PTK2: variants seen among roughly 807,000 people sequenced by gnomAD.
The protein encoded by PTK2 is protein tyrosine kinase 2.
Under a neutral mutation model 150.1 loss-of-function variants are expected in PTK2, and 45 were observed. The observed-to-expected ratio is 0.30, with a 90% CI of 0.24 to 0.38. The LOEUF is 0.38. Among genes scored for constraint, PTK2 ranks in the 10% least tolerant of loss-of-function variants. PTK2 has a pLI of 1.00. For synonymous variants in PTK2, 432 were observed against 449.2 expected (o/e 0.96, Z 0.48); for missense variants, 919 against 1,307.3 (o/e 0.70, Z 4.58).
In PTK2 at chr8:140,752,165, CAG is replaced by C. The variant is rs1284094719; in HGVS notation, c.1417+65_1417+66del. 6.9e-6 allele frequency: 9 copies of C among 1,305,958 alleles called. No homozygotes were observed. In the Admixed American group the frequency reaches 1.6e-4, roughly 24 times the overall value. The allele number at this position is 1,305,958 out of a possible 1,614,324, so 80.9% of individuals were successfully genotyped here. The stretch of plus-strand genomic sequence containing the variant: ...CAAAACACTATTTTTCTTATTTCTT[CAG>C]AGACAGTTTGGATTTCACAGATAGA... On this transcript the variant is annotated intron_variant, in intron 17 of 31. Coordinates refer to ENST00000522684, the Ensembl canonical transcript of PTK2.
chr8:140,850,711 C>CA (rs1279827899), intron 5 of PTK2, among the ~76,000 whole-genome samples: 1 of 151,972 alleles, frequency 6.6e-6, no homozygotes, highest in African/African-American at 2.4e-5. Flanking sequence ...GCCTGGGCGA[C>CA]AGAGCGAGAC....
At chr8:140,773,308 G>C (rs192684334) in intron 14 of PTK2, among the ~76,000 whole-genome samples, 1 of 152,196 alleles carries the variant, frequency 6.6e-6, no homozygotes, top group Non-Finnish European at 1.5e-5. Context: ...GCTGGAGTTA[G>C]AACAGTGAAC....
At chr8:140,956,887 C>A (rs1201597331) in intron 1 of PTK2, among the ~76,000 whole-genome samples, 2 of 151,990 alleles carry the variant, frequency 1.3e-5, no homozygotes, top group African/African-American at 2.4e-5. Flanking sequence ...CATGGAGAAA[C>A]CCTGTCTCTA....
rs564176746 is a variant in PTK2, at chr8:140,796,422, C to A, written c.1094-3038G>T. 3.3e-5 allele frequency among the ~76,000 whole-genome samples: 5 copies of A among 152,296 alleles called. No individual in the cohort carries two copies. The East Asian group carries it at 5.8e-4, about 18-fold the overall frequency. On this transcript the variant is annotated intron_variant, in intron 12 of 31. Coordinates refer to ENST00000522684, the Ensembl canonical transcript of PTK2. ...CCATGAACATGACCACCTCCCACCA[C>A]CAGCACCACCACCTTACTCACACCC...
At chr8:140,776,463 C>A (rs7840353) in intron 14 of PTK2, among the ~76,000 whole-genome samples, 4,766 of 152,168 alleles carry the variant, frequency 0.031, 237 homozygotes, top group African/African-American at 0.11. Context: ...CCAGTGTAAA[C>A]CCTAAAGGAA....
chr8:140,887,840 G>C (rs950135037), intron 3 of PTK2, among the ~76,000 whole-genome samples: 15 of 152,000 alleles, frequency 9.9e-5, no homozygotes, highest in Middle Eastern at 3.2e-3. Flanking sequence ...TTTGAAATGT[G>C]GTATATATTT....
intron 22 of PTK2, among the ~76,000 whole-genome samples, chr8:140,727,074 A>G (rs2100046293): frequency 6.6e-6 from 1 of 152,246 alleles, no homozygotes; most frequent in Non-Finnish European, 1.5e-5. Context: ...CACTGAAAAC[A>G]TAATACAAAA....
At chr8:140,803,575 T>G (rs2100096551) in exon 11 of PTK2, 1 of 1,613,894 alleles carries the variant, frequency 6.2e-7, no homozygotes, top group East Asian at 2.2e-5. Context: ...AGTTGTAGCA[T>G]TCCTTTTCTG....
intron 19 of PTK2, 126 bp from the exon 23 acceptor site, chr8:140,743,456 G>T: frequency 1.9e-6 from 1 of 533,808 alleles, no homozygotes; most frequent in South Asian, 3.4e-5. Context: ...CAGATTATAT[G>T]ATATTTATTA....
chr8:140,843,023 T>C (rs769390945), intron 7 of PTK2, among the ~76,000 whole-genome samples: 1 of 152,110 alleles, frequency 6.6e-6, no homozygotes, highest in Non-Finnish European at 1.5e-5. Context: ...TCCATTTCAC[T>C]GACCCCTGAC....
At position 140,717,346 on chromosome 8, in the gene PTK2, A is replaced by G. The variant is rs2100040263; in HGVS notation, c.2142+252T>C. 2.0e-5 allele frequency among the ~76,000 whole-genome samples: 3 copies of G among 152,226 alleles called. No individual in the cohort carries two copies. In the South Asian group the frequency reaches 6.2e-4, roughly 32 times the overall value. On this transcript the variant is annotated intron_variant, in intron 23 of 31. Transcript: ENST00000522684. ...CAAGTTAGGGCAGCATAGGAAAAGC[A>G]TTTTAAGATGACATCTGTCCAACTG...
At chr8:140,660,648 C>A (rs1306584414) in intron 31 of PTK2, 1 of 455,094 alleles carries the variant, frequency 2.2e-6, no homozygotes, top group Middle Eastern at 3.3e-4. Flanking sequence ...ACGGCTTGAG[C>A]CTGGAAGACA....
At chr8:140,760,980 T>G (rs2154547017) in intron 16 of PTK2, among the ~76,000 whole-genome samples, 185 bp downstream of exon 19, 1 of 152,344 alleles carries the variant, frequency 6.6e-6, no homozygotes. Flanking sequence ...TTGTAGGAGC[T>G]AATGTTGCCA....
Position 140,818,355 on chromosome 8 carries a change from C to T in PTK2, c.790-1G>A. On this transcript the variant is annotated splice_acceptor_variant, in intron 9 of 31. Transcript: ENST00000522684. LOFTEE classifies it high-confidence loss of function. ...GTTCCACTGAAATAATCCAGCTTGA[C>T]TTTTGAAGGTGAAACAAGTGAGAAC... is the stretch of plus-strand genomic sequence containing the variant. The T allele has an allele frequency of 6.2e-7, 1 of 1,613,062 alleles. No individual in the cohort carries two copies. Among genetic ancestry groups the T allele is most frequent in the Non-Finnish European group, 8.5e-7 (1 of 1,179,112 alleles).
At chr8:140,898,155 T>C (rs371048458) in intron 2 of PTK2, among the ~76,000 whole-genome samples, 2 of 152,282 alleles carry the variant, frequency 1.3e-5, no homozygotes, top group East Asian at 1.9e-4. Context: ...AAAAAAGAAG[T>C]TTTTTTAAAA....
At chr8:140,692,641 CAA>C (rs67640984) in intron 26 of PTK2, among the ~76,000 whole-genome samples, 137 of 144,318 alleles carry the variant, frequency 9.5e-4, no homozygotes, top group African/African-American at 2.3e-3. Context: ...ACAAACAAGC[CAA>C]AAAAAAAAAA....
chr8:140,662,735 T>A (rs2082460848), intron 31 of PTK2: 1 of 590,234 alleles, frequency 1.7e-6, no homozygotes, highest in East Asian at 2.8e-5. Flanking sequence ...GGACATCGTA[T>A]GTCTCTGGGT....
At chr8:140,950,569 C>T (rs758196948) in intron 1 of PTK2, among the ~76,000 whole-genome samples, 7 of 152,202 alleles carry the variant, frequency 4.6e-5, no homozygotes, top group Non-Finnish European at 8.8e-5. Flanking sequence ...GTGTGGGATC[C>T]AGGCTTGTAG....
chr8:140,962,609 T>C (rs1331432689), intron 1 of PTK2, among the ~76,000 whole-genome samples: 2 of 151,826 alleles, frequency 1.3e-5, no homozygotes, highest in African/African-American at 4.8e-5. Context: ...CCATCCTGGC[T>C]AACACAGTGA....
Sources: allele counts gnomAD v4.1 joint callset (sites outside exome capture counted in the v4.1 genomes callset), GRCh38; gene constraint gnomAD v4.1.1; transcripts MANE v1.5; gene names NCBI Gene and HGNC (gene_info 2026-07-23, HGNC 2026-07-21).